Variants in PTPRT observed in about 807,000 individuals in gnomAD.
PTPRT encodes protein tyrosine phosphatase receptor type T.
PTPRT carries 56 observed loss-of-function variants against 176.8 expected under a neutral mutation model. The observed-to-expected ratio is 0.32, with a 90% CI of 0.26 to 0.40. PTPRT has a LOEUF of 0.40. PTPRT is among the 10% of genes least tolerant of loss of function. PTPRT has a pLI of 1.00. For synonymous variants in PTPRT, 783 were observed against 739.0 expected (o/e 1.06, Z -0.96); for missense variants, 1,540 against 1,908.2 (o/e 0.81, Z 3.60).
intron 2 of PTPRT, among the ~76,000 whole-genome samples, chr20:42,817,368 T>TG (rs1569172962): frequency 6.9e-6 from 1 of 145,494 alleles, no homozygotes; most frequent in Non-Finnish European, 1.5e-5. Flanking sequence ...GTTTGGTTTT[T>TG]TTTTTTTTTT....
At chr20:42,465,035 G>A (rs1017672484) in intron 8 of PTPRT, among the ~76,000 whole-genome samples, 1 of 151,762 alleles carries the variant, frequency 6.6e-6, no homozygotes, top group Non-Finnish European at 1.5e-5. Flanking sequence ...GTGATTAACT[G>A]TATTAAATAT....
chr20:42,737,031 A>G, intron 6 of PTPRT, among the ~76,000 whole-genome samples: 1 of 152,234 alleles, frequency 6.6e-6, no homozygotes, highest in East Asian at 1.9e-4. Context: ...ATGAAAGCCA[A>G]TACACATGGG....
intron 7 of PTPRT, among the ~76,000 whole-genome samples, chr20:42,635,553 GTTA>G (rs1489025259): frequency 6.6e-6 from 1 of 152,014 alleles, no homozygotes; most frequent in African/African-American, 2.4e-5. Context: ...TTGAAAAATT[GTTA>G]TTATTTTTGT....
At chr20:42,524,294 T>C (rs2072230350) in intron 7 of PTPRT, among the ~76,000 whole-genome samples, 1 of 152,182 alleles carries the variant, frequency 6.6e-6, no homozygotes, top group African/African-American at 2.4e-5. Flanking sequence ...AAGAGATTGA[T>C]TTTCCCTTTC....
intron 9 of PTPRT, among the ~76,000 whole-genome samples, chr20:42,368,547 A>G (rs2058545376): frequency 6.6e-6 from 1 of 152,124 alleles, no homozygotes; most frequent in African/African-American, 2.4e-5. Context: ...TACAAGGTTT[A>G]CACCTAGAAC....
At chr20:42,117,015 A>C (rs1324185106) in intron 21 of PTPRT, among the ~76,000 whole-genome samples, 1 of 152,168 alleles carries the variant, frequency 6.6e-6, no homozygotes, top group Admixed American at 6.5e-5. Context: ...TGGAGTGACC[A>C]CAAGCACTGG....
chr20:42,307,715 A>C (rs1299176815), intron 12 of PTPRT, among the ~76,000 whole-genome samples: 1 of 152,190 alleles, frequency 6.6e-6, no homozygotes, highest in Non-Finnish European at 1.5e-5. Flanking sequence ...TGAAACTGTC[A>C]GAGACCTTTG....
At chr20:42,989,978 A>C (rs917736413) in intron 1 of PTPRT, among the ~76,000 whole-genome samples, 10 of 152,336 alleles carry the variant, frequency 6.6e-5, no homozygotes, top group African/African-American at 1.9e-4. Context: ...TTCACCAATG[A>C]GTAGGATGCA....
chr20:43,153,718 G>A (rs901254894), intron 1 of PTPRT, among the ~76,000 whole-genome samples: 5 of 152,228 alleles, frequency 3.3e-5, no homozygotes, highest in Non-Finnish European at 7.3e-5. Context: ...CACTATTTGG[G>A]TATTTGGTTC....
chr20:42,896,993 G>A (rs1007109511), intron 1 of PTPRT, among the ~76,000 whole-genome samples: 1 of 151,940 alleles, frequency 6.6e-6, no homozygotes, highest in Non-Finnish European at 1.5e-5. Flanking sequence ...GTGCCGGGGG[G>A]GTGTTTAAAT....
rs77587749 is a variant in PTPRT, at chr20:42,495,423, G to A, written c.1154-22861C>T. Reference sequence around the variant, plus strand: ...GGGCAGAAAGGGCTGGAAAGTGGAGGAGTCTCACCTATACTTTCTCTCTTT... The same window carrying A: ...GGGCAGAAAGGGCTGGAAAGTGGAGAAGTCTCACCTATACTTTCTCTCTTT... On this transcript the variant is annotated intron_variant, in intron 7 of 30. Transcript: ENST00000373187. Among the ~76,000 whole-genome samples, 903 of 152,212 alleles carry A rather than the reference G, an allele frequency of 5.9e-3. 6 individuals are homozygous for A. Among genetic ancestry groups the A allele is most frequent in the African/African-American group, 0.019 (806 of 41,512 alleles).
intron 7 of PTPRT, among the ~76,000 whole-genome samples, chr20:42,665,137 G>C (rs1271076185): frequency 6.6e-6 from 1 of 151,830 alleles, no homozygotes; most frequent in Non-Finnish European, 1.5e-5. Context: ...CACAGCAAAA[G>C]AAACTACCAT....
At chr20:42,380,477 T>C (rs1386425951) in intron 9 of PTPRT, among the ~76,000 whole-genome samples, 2 of 152,182 alleles carry the variant, frequency 1.3e-5, no homozygotes, top group Admixed American at 6.5e-5. Flanking sequence ...TTTCAGATAG[T>C]TCCCCTTCTC....
At chr20:42,662,033 T>C (rs915527440) in intron 7 of PTPRT, among the ~76,000 whole-genome samples, 8 of 152,166 alleles carry the variant, frequency 5.3e-5, no homozygotes, top group Non-Finnish European at 1.2e-4. Flanking sequence ...AGCAAAGGGC[T>C]AGCCCCTCAG....
chr20:42,977,081 G>A (rs1305311478), intron 1 of PTPRT, among the ~76,000 whole-genome samples: 1 of 152,148 alleles, frequency 6.6e-6, no homozygotes, highest in Non-Finnish European at 1.5e-5. Flanking sequence ...AAGTGGTTCT[G>A]TGGTTAAAAC....
At chr20:42,977,674 AGT>A (rs1347341269) in intron 1 of PTPRT, among the ~76,000 whole-genome samples, 1 of 152,216 alleles carries the variant, frequency 6.6e-6, no homozygotes, top group African/African-American at 2.4e-5. Context: ...AACTAAATAG[AGT>A]GTGACTTTTG....
chr20:42,569,061 A>T (rs2073098935), intron 7 of PTPRT, among the ~76,000 whole-genome samples: 1 of 82,412 alleles, frequency 1.2e-5, no homozygotes, highest in Non-Finnish European at 2.3e-5. Flanking sequence ...AAAAAAAAAA[A>T]AAAAAAAAAA....
intron 1 of PTPRT, among the ~76,000 whole-genome samples, chr20:43,018,049 T>C (rs557954162): frequency 6.6e-6 from 1 of 152,256 alleles, no homozygotes; most frequent in East Asian, 1.9e-4. Context: ...TAACCCTAGG[T>C]ATGATTTTTC....
intron 1 of PTPRT, among the ~76,000 whole-genome samples, chr20:43,091,756 AGAT>A (rs1484648141): frequency 1.3e-5 from 2 of 152,188 alleles, no homozygotes; most frequent in Non-Finnish European, 2.9e-5. Flanking sequence ...AGCAGCCCCA[AGAT>A]GATGATGAGC....
Sources: allele counts gnomAD v4.1 joint callset (sites outside exome capture counted in the v4.1 genomes callset), GRCh38; gene constraint gnomAD v4.1.1; transcripts MANE v1.5; gene names NCBI Gene and HGNC (gene_info 2026-07-23, HGNC 2026-07-21).